Variants in IL1RAPL1 observed in about 807,000 individuals in gnomAD.
IL1RAPL1 encodes interleukin 1 receptor accessory protein like 1, also known as interleukin-1 receptor accessory protein-like 1.
In IL1RAPL1, 3 loss-of-function variants were observed where a neutral mutation model predicts 48.4. The ratio of observed to expected loss-of-function variants is 0.06; its 90% confidence interval spans 0.03 to 0.16. The LOEUF is 0.16. IL1RAPL1 is among the 10% of genes least tolerant of loss of function. IL1RAPL1 has a pLI of 1.00. For missense variants in IL1RAPL1, 349 were observed against 530.6 expected (o/e 0.66, Z 3.36); for synonymous variants, 185 against 187.7 (o/e 0.99, Z 0.12).
intron 2 of IL1RAPL1, among the ~76,000 whole-genome samples, chrX:28,819,509 C>T (rs950821369): frequency 1.8e-5 from 2 of 110,864 alleles, no homozygotes; most frequent in Non-Finnish European, 3.8e-5. Context: ...CAAATATATA[C>T]ACTCTTAAGA....
At chrX:28,795,519 A>T (rs979281836) in intron 2 of IL1RAPL1, among the ~76,000 whole-genome samples, 2 of 111,304 alleles carry the variant, frequency 1.8e-5, no homozygotes, top group African/African-American at 6.5e-5. Flanking sequence ...AGGCAGTATG[A>T]ATGAATCTTC....
intron 6 of IL1RAPL1, among the ~76,000 whole-genome samples, chrX:29,760,190 C>T (rs902643821): frequency 1.8e-5 from 2 of 111,364 alleles, no homozygotes; most frequent in African/African-American, 3.3e-5. Context: ...TTGATTGGTC[C>T]AGATCTGGGG....
intron 5 of IL1RAPL1, among the ~76,000 whole-genome samples, chrX:29,486,703 GAAGT>G (rs1185970661): frequency 7.6e-5 from 8 of 105,512 alleles, no homozygotes; most frequent in Non-Finnish European, 1.2e-4. Flanking sequence ...TAAGTGATCA[GAAGT>G]TCAGAAGTTC....
At chrX:28,626,484 T>C (rs1053089722) in intron 1 of IL1RAPL1, among the ~76,000 whole-genome samples, 1 of 112,041 alleles carries the variant, frequency 8.9e-6, no homozygotes, top group African/African-American at 3.2e-5. Context: ...GTTTCTTATA[T>C]AATTATTACA....
intron 5 of IL1RAPL1, among the ~76,000 whole-genome samples, chrX:29,586,913 A>G (rs1235801151): frequency 9.0e-6 from 1 of 111,437 alleles, no homozygotes; most frequent in Non-Finnish European, 1.9e-5. Context: ...TTCGTGTTGT[A>G]GCAGGTTTTT....
chrX:29,267,785 A>G (rs1931980412), intron 2 of IL1RAPL1, among the ~76,000 whole-genome samples: 1 of 112,014 alleles, frequency 8.9e-6, no homozygotes, highest in South Asian at 3.7e-4. Context: ...TGCCATGTGT[A>G]AATTGGTCAC....
intron 5 of IL1RAPL1, among the ~76,000 whole-genome samples, chrX:29,538,286 A>G (rs968227345): frequency 9.3e-6 from 1 of 107,803 alleles, no homozygotes; most frequent in Non-Finnish European, 1.9e-5. Flanking sequence ...TTTGATTTAT[A>G]TTATAGCAAA....
intron 2 of IL1RAPL1, among the ~76,000 whole-genome samples, chrX:28,899,145 A>G (rs1439005976): frequency 9.0e-6 from 1 of 111,185 alleles, no homozygotes; most frequent in African/African-American, 3.3e-5. Context: ...CACAGGAGGA[A>G]CTACCAAACA....
In IL1RAPL1 at chrX:29,311,980, T is replaced by C. The variant is rs753375987; in HGVS notation, c.362+28763T>C. On this transcript the variant is annotated intron_variant, in intron 3 of 10. Coordinates refer to ENST00000378993, the MANE Select transcript of IL1RAPL1 (RefSeq NM_014271.4). ...CAGTTTTGTTCATTATTGAGTTATA[T>C]CTAATGGGACAGGCAGATTAATCAA... Among the ~76,000 whole-genome samples the C allele has an allele frequency of 3.6e-5, 4 of 112,105 alleles. No homozygotes were observed. In the East Asian group the frequency reaches 1.1e-3, roughly 31 times the overall value.
intron 5 of IL1RAPL1, among the ~76,000 whole-genome samples, chrX:29,622,039 A>G (rs943583670): frequency 8.9e-6 from 1 of 112,300 alleles, no homozygotes; most frequent in Non-Finnish European, 1.9e-5. Context: ...GGCTTATTTC[A>G]CTTAACATAT....
intron 5 of IL1RAPL1, among the ~76,000 whole-genome samples, chrX:29,499,279 G>A (rs964163394): frequency 5.4e-5 from 6 of 112,000 alleles, no homozygotes; most frequent in East Asian, 5.6e-4. Flanking sequence ...TTGTGCTTAG[G>A]AGTAATAACC....
At chrX:29,690,450 T>C (rs1478975392) in intron 6 of IL1RAPL1, among the ~76,000 whole-genome samples, 1 of 112,128 alleles carries the variant, frequency 8.9e-6, no homozygotes, top group Non-Finnish European at 1.9e-5. Flanking sequence ...CCTGAATTTC[T>C]TATTTTCCTC....
chrX:28,841,479 A>C (rs1346387207), intron 2 of IL1RAPL1, among the ~76,000 whole-genome samples: 1 of 111,332 alleles, frequency 9.0e-6, no homozygotes, highest in Non-Finnish European at 1.9e-5. Flanking sequence ...TTAACATTAC[A>C]GAACATTACT....
At chrX:29,685,982 C>G (rs1416133135) in intron 6 of IL1RAPL1, among the ~76,000 whole-genome samples, 1 of 105,005 alleles carries the variant, frequency 9.5e-6, no homozygotes, top group Non-Finnish European at 1.9e-5. Flanking sequence ...GAGACTCCGT[C>G]TCAAAAAAAA....
At chrX:29,614,951 G>T (rs866977443) in intron 5 of IL1RAPL1, among the ~76,000 whole-genome samples, 1 of 103,551 alleles carries the variant, frequency 9.7e-6, no homozygotes, top group Admixed American at 1.0e-4. Flanking sequence ...GCAACAGAGC[G>T]AGACTCCGTC....
At chrX:28,852,877 C>CTT (rs59748304) in intron 2 of IL1RAPL1, among the ~76,000 whole-genome samples, 15 of 103,481 alleles carry the variant, frequency 1.4e-4, no homozygotes, top group East Asian at 3.1e-4. Flanking sequence ...TTGTGCTTTC[C>CTT]TTTTTTTTTT....
chrX:28,800,613 T>C (rs1936661596), intron 2 of IL1RAPL1, among the ~76,000 whole-genome samples: 1 of 110,915 alleles, frequency 9.0e-6, no homozygotes, highest in African/African-American at 3.3e-5. Flanking sequence ...AAAGAGACCT[T>C]ACTTGTTTTG....
intron 5 of IL1RAPL1, among the ~76,000 whole-genome samples, chrX:29,617,603 A>G (rs956206128): frequency 2.7e-5 from 3 of 112,008 alleles, no homozygotes; most frequent in Non-Finnish European, 3.8e-5. Flanking sequence ...CCGGCAACGA[A>G]AGAAACTTCA....
chrX:29,154,438 G>A (rs978589609), intron 2 of IL1RAPL1, among the ~76,000 whole-genome samples: 3 of 109,948 alleles, frequency 2.7e-5, no homozygotes, highest in Admixed American at 2.0e-4. Flanking sequence ...TACTCAGGAG[G>A]CTGAGGCAAG....
Sources: gnomAD v4.1 joint callset for allele counts (sites outside exome capture counted in the v4.1 genomes callset) on GRCh38, gnomAD v4.1.1 for gene constraint, MANE v1.5 for transcripts, NCBI Gene and HGNC (gene_info 2026-07-23, HGNC 2026-07-21) for gene names.